AP3B2: variants seen among roughly 807,000 people sequenced by gnomAD.
The protein encoded by AP3B2 is AP-3 complex subunit beta-2.
Under a neutral mutation model 126.9 loss-of-function variants are expected in AP3B2, and 50 were observed. That is an observed-to-expected ratio of 0.39 (90% CI 0.31 to 0.50). The LOEUF (loss-of-function observed/expected upper bound fraction) is 0.50. Ranked by LOEUF, AP3B2 falls within the 20% of genes least tolerant of loss-of-function variation. The pLI, the probability that AP3B2 is intolerant of heterozygous loss-of-function variation, is 0.79. For missense variants in AP3B2, 1,177 were observed against 1,426.4 expected, an observed-to-expected ratio of 0.83 and a Z score of 2.82; for synonymous variants, 541 against 565.0, an observed-to-expected ratio of 0.96 and a Z score of 0.60.
intron 4 of AP3B2, among the ~76,000 whole-genome samples, chr15:82,682,922 TAC>T (rs1179306648): frequency 1.9e-5 from 2 of 103,536 alleles, no homozygotes; most frequent in Non-Finnish European, 2.3e-5. Flanking sequence ...CCCCAGTCTC[TAC>T]AAAAAAAAAA....
chr15:82,684,157 C>T (rs1180072737), intron 4 of AP3B2, among the ~76,000 whole-genome samples: 1 of 152,170 alleles, frequency 6.6e-6, no homozygotes, highest in Non-Finnish European at 1.5e-5. Context: ...TTTTTAAAGC[C>T]AGGCATTGAC....
chr15:82,677,789 G>A lies in AP3B2; in HGVS notation c.1260C>T (p.Ser420=). The A allele has an allele frequency of 6.2e-7, 1 of 1,609,488 alleles. No homozygotes were observed. Among genetic ancestry groups the A allele is most frequent in the Non-Finnish European group, 8.5e-7 (1 of 1,177,348 alleles). ...TGGCTGCCACAAAGTCCTTGTCCAT[G>A]CTGCGAATATAGGTCTGTGGGATAT... ...VLREFQTYIR[S]MDKDFVAATI... Residue 420 remains serine, a synonymous_variant, in exon 12 of 27, where the codon AGC becomes AGT. Coordinates refer to ENST00000535359, the MANE Select transcript of AP3B2 (RefSeq NM_001278512.2).
chr15:82,684,322 T>G (rs115400443), intron 4 of AP3B2, among the ~76,000 whole-genome samples: 1,820 of 152,346 alleles, frequency 0.012, 43 homozygotes, highest in African/African-American at 0.041. Context: ...TCAGCACTTT[T>G]GCTTCACCTT....
chr15:82,688,433 C>T, intron 4 of AP3B2: 2 of 702,152 alleles, frequency 2.8e-6, no homozygotes, highest in Non-Finnish European at 5.2e-6. Flanking sequence ...TTCTCCATTG[C>T]TAGAGACTCT....
At chr15:82,661,798 C>A in intron 25 of AP3B2, 27 bp downstream of exon 25, 1 of 1,578,300 alleles carries the variant, frequency 6.3e-7, no homozygotes, top group East Asian at 2.3e-5. Context: ...ATACTTCCCT[C>A]TCTGCCCACT....
At chr15:82,701,181 C>G (rs904548096) in intron 1 of AP3B2, among the ~76,000 whole-genome samples, 3 of 152,112 alleles carry the variant, frequency 2.0e-5, no homozygotes, top group African/African-American at 7.2e-5. Flanking sequence ...TTTATACTCT[C>G]CTCTCCTCCT....
intron 15 of AP3B2, among the ~76,000 whole-genome samples, chr15:82,666,477 G>A (rs1567258001): frequency 6.6e-6 from 1 of 152,224 alleles, no homozygotes; most frequent in African/African-American, 2.4e-5. Context: ...CAGGGAGGGA[G>A]ATGGAAAAGG....
Position 82,681,586 on chromosome 15 carries a change from G to A in AP3B2, c.361-6C>T, listed in dbSNP as rs767032158. 2 of 1,612,258 alleles carry A rather than the reference G, an allele frequency of 1.2e-6. No homozygotes were observed. The highest frequency in any genetic ancestry group is 1.7e-6 in the Non-Finnish European group (2 of 1,179,608). ...CGAATCAGCTGGTTGGGATCCTAAA[G>A]GCAGAGGTGGAGGCAGAGCTATGAA... On this transcript the variant is annotated splice_region_variant and splice_polypyrimidine_tract_variant and intron_variant, in intron 4 of 26. Transcript: ENST00000535359. This position sits in a 1 kb window ranked among gnomAD's most constrained non-coding sequence, Gnocchi z 4.0.
chr15:82,668,781 A>G (rs1364451380), intron 14 of AP3B2, among the ~76,000 whole-genome samples: 1 of 152,002 alleles, frequency 6.6e-6, no homozygotes, highest in Non-Finnish European at 1.5e-5. Flanking sequence ...CAGGCTGTTC[A>G]AGAAGGCCTC....
At chr15:82,677,924 G>A in intron 11 of AP3B2, 121 bp from the exon 12 acceptor site, 1 of 1,373,938 alleles carries the variant, frequency 7.3e-7, no homozygotes, top group Non-Finnish European at 9.8e-7. Context: ...GGGAAAGGGG[G>A]TGACAACTCC....
chr15:82,708,218 A>G (rs541003836), intron 1 of AP3B2, among the ~76,000 whole-genome samples: 2 of 84,064 alleles, frequency 2.4e-5, no homozygotes, highest in East Asian at 6.9e-4. Context: ...GTGTCCCCCC[A>G]CCGCCAGAGA....
At chr15:82,696,187 G>T (rs2048626477) in intron 1 of AP3B2, among the ~76,000 whole-genome samples, 1 of 152,162 alleles carries the variant, frequency 6.6e-6, no homozygotes, top group Non-Finnish European at 1.5e-5. Context: ...GGTACTGGGG[G>T]CTAGAACTTC....
Position 82,681,535 on chromosome 15 carries a change from TAG to T in AP3B2, c.404_405del (p.Ser135Ter). On this transcript the variant is annotated frameshift_variant, in exon 5 of 27. Coordinates refer to ENST00000535359, the MANE Select transcript of AP3B2 (RefSeq NM_001278512.2). LOFTEE classifies it high-confidence loss of function. This position sits in a 1 kb window ranked among gnomAD's most constrained non-coding sequence, Gnocchi z 4.0. ...GGCACTATGATGGGCACACGGATGC[TAG>T]AGAGGACACGGAGGGCACTGGCACG... ...LIRASALRVL[S>X]SIRVPIIVPI... is the part of the protein sequence containing the mutation. 6.2e-7 allele frequency: 1 copy of T among 1,613,876 alleles called. No homozygotes were observed. Among genetic ancestry groups the T allele is most frequent in the Non-Finnish European group, 8.5e-7 (1 of 1,179,870 alleles).
rs555307485 is a variant in AP3B2 at position 82,674,091 on chromosome 15, C to T, written c.1665+2370G>A. 2.0e-5 allele frequency among the ~76,000 whole-genome samples: 3 copies of T among 152,236 alleles called. No individual in the cohort carries two copies. The East Asian group carries it at 5.8e-4, about 29-fold the overall frequency. ...CTGCTGATCAATAGCAGGGCAGAGG[C>T]CTCATCTTGGTCATTTCCTTGGCCT... On this transcript the variant is annotated intron_variant, in intron 14 of 26. Transcript: ENST00000535359.
chr15:82,677,999 A>G, intron 11 of AP3B2, 106 bp downstream of exon 11: 4 of 1,419,866 alleles, frequency 2.8e-6, no homozygotes, highest in Non-Finnish European at 3.9e-6. Flanking sequence ...AATGTAAGAT[A>G]ATAGTTTCTC....
intron 1 of AP3B2, among the ~76,000 whole-genome samples, chr15:82,706,769 G>A (rs947433658): frequency 9.9e-5 from 15 of 152,102 alleles, no homozygotes; most frequent in African/African-American, 2.7e-4. Context: ...GTTACAAGCC[G>A]CTAGCCTGCC....
Position 82,678,127 on chromosome 15 carries a change from G to A in AP3B2, c.1223C>T (p.Pro408Leu). Residue 408 changes from proline (P) to leucine (L), a missense_variant, in exon 11 of 27, where the codon CCT becomes CTT. Around this residue, in one of 5 missense-constraint regions of AP3B2, gnomAD observed 308 missense variants for 452.4 expected, o/e 0.68. Transcript: ENST00000535359. ...TACCTGGAATTCCCGTAGGACAGTA[G>A]GAATGTTGGTCTCATTGGCCAGGTT... ...LTNLANETNIPTVLREFQTYI... is the reference protein window; with the variant it reads ...LTNLANETNILTVLREFQTYI... 1 of 1,613,896 alleles carries A rather than the reference G, an allele frequency of 6.2e-7. No individual in the cohort carries two copies.
intron 1 of AP3B2, among the ~76,000 whole-genome samples, chr15:82,705,388 G>C (rs779142918): frequency 2.6e-5 from 4 of 152,102 alleles, no homozygotes; most frequent in Non-Finnish European, 4.4e-5. Context: ...CAGGATCTGT[G>C]CCTTGTCAGC....
chr15:82,701,312 C>T (rs2048716552), intron 1 of AP3B2, among the ~76,000 whole-genome samples: 1 of 152,194 alleles, frequency 6.6e-6, no homozygotes, highest in Admixed American at 6.5e-5. Flanking sequence ...CCTTCAGCCT[C>T]TCTCCCACCA....
Sources: gnomAD v4.1 joint callset for allele counts (sites outside exome capture counted in the v4.1 genomes callset) on GRCh38, gnomAD v4.1.1 for gene constraint, gnomAD v4.1.1 regional missense constraint, Gnocchi (gnomAD v3.1) non-coding constraint, MANE v1.5 for transcripts, NCBI Gene and HGNC (gene_info 2026-07-23, HGNC 2026-07-21) for gene names.